The following ATP8A1 variants were observed in gnomAD, a reference collection of about 807,000 sequenced individuals.
ATP8A1 encodes phospholipid-transporting ATPase IA.
In ATP8A1, 90 loss-of-function variants were observed where a neutral mutation model predicts 177.7. That is an observed-to-expected ratio of 0.51 (90% CI 0.43 to 0.60). ATP8A1 has a LOEUF of 0.60. Ranked by LOEUF, ATP8A1 falls within the 20% of genes least tolerant of loss-of-function variation. ATP8A1 has a pLI of 0.00. For synonymous variants in ATP8A1, 493 were observed against 485.9 expected (o/e 1.01, Z -0.19); for missense variants, 1,072 against 1,392.8 (o/e 0.77, Z 3.67).
chr4:42,485,398 T>A, intron 25 of ATP8A1, 98 bp downstream of exon 25: 1 of 1,179,142 alleles, frequency 8.5e-7, no homozygotes, highest in Non-Finnish European at 1.2e-6. Context: ...GTAACCTAAC[T>A]TTTGTAAACT....
Position 42,624,631 on chromosome 4 carries a change from T to C in ATP8A1, c.268A>G (p.Ile90Val), listed in dbSNP as rs1392030825. ...FFLFIALLQQ[I>V]PDVSPTGRYT... is the part of the protein sequence containing the mutation. ...CGACCTGTTGGTGACACATCAGGTA[T>C]TTGCTGTTTGGAAAAAAAAAAAAAA... The change falls in exon 4 of 37, where the codon ATA (isoleucine) becomes GTA (valine). Residue 90 changes from isoleucine to valine, a missense_variant. Ile to Val is a conservative substitution (Grantham distance 29). Around this residue, in one of 5 missense-constraint regions of ATP8A1, gnomAD observed 344 missense variants for 393.5 expected, o/e 0.87. Transcript: ENST00000381668. 1 of 1,349,666 alleles carries C rather than the reference T, an allele frequency of 7.4e-7. No individual in the cohort carries two copies. The highest frequency in any genetic ancestry group is 2.7e-5 in the East Asian group (1 of 37,506). The allele number at this position is 1,349,666 out of a possible 1,614,324, so 83.6% of individuals were successfully genotyped here.
intron 29 of ATP8A1, among the ~76,000 whole-genome samples, chr4:42,452,722 C>T (rs373058200): frequency 2.0e-5 from 3 of 152,136 alleles, no homozygotes; most frequent in East Asian, 3.8e-4. Flanking sequence ...AGAGAGCAAG[C>T]GTCACTGGTA....
At chr4:42,628,351 G>C (rs1738338567) in intron 1 of ATP8A1, among the ~76,000 whole-genome samples, 1 of 152,206 alleles carries the variant, frequency 6.6e-6, no homozygotes, top group Non-Finnish European at 1.5e-5. Context: ...GGACTGGGGT[G>C]TGAGAAACGG....
intron 5 of ATP8A1, among the ~76,000 whole-genome samples, chr4:42,603,438 C>T (rs923763167): frequency 2.0e-5 from 3 of 152,048 alleles, no homozygotes; most frequent in African/African-American, 7.3e-5. Flanking sequence ...TGTTACTTCA[C>T]TTATTAGTTT....
chr4:42,476,296 C>T (rs145687306), intron 25 of ATP8A1, among the ~76,000 whole-genome samples: 130 of 152,248 alleles, frequency 8.5e-4, no homozygotes, highest in African/African-American at 2.9e-3. Context: ...AAAAGACCTA[C>T]ATGAAAAAAC....
At chr4:42,647,143 T>C (rs1045564947) in intron 1 of ATP8A1, among the ~76,000 whole-genome samples, 1 of 152,188 alleles carries the variant, frequency 6.6e-6, no homozygotes, top group Non-Finnish European at 1.5e-5. Context: ...AGCACCCATA[T>C]AATGTGTGAA....
At chr4:42,560,216 A>C (rs1730673233) in intron 15 of ATP8A1, among the ~76,000 whole-genome samples, 2 of 152,222 alleles carry the variant, frequency 1.3e-5, no homozygotes, top group Non-Finnish European at 2.9e-5. Flanking sequence ...GAAAAAATAA[A>C]TGTATGAATA....
chr4:42,488,334 A>G (rs1371766341), intron 24 of ATP8A1, among the ~76,000 whole-genome samples: 2 of 152,062 alleles, frequency 1.3e-5, no homozygotes, highest in African/African-American at 4.8e-5. Context: ...GTGGCTATTA[A>G]GTAGTGACAT....
intron 33 of ATP8A1, among the ~76,000 whole-genome samples, chr4:42,428,323 TCCCACACTGAA>T (rs1447591373): frequency 1.3e-5 from 2 of 152,258 alleles, no homozygotes; most frequent in African/African-American, 4.8e-5. Flanking sequence ...ACCTCACACA[TCCCACACTGAA>T]CACACACTGT....
At chr4:42,476,919 C>T (rs1721126154) in intron 25 of ATP8A1, among the ~76,000 whole-genome samples, 1 of 152,174 alleles carries the variant, frequency 6.6e-6, no homozygotes, top group African/African-American at 2.4e-5. Context: ...CTTCAGCGTA[C>T]TACTTTTCTT....
At chr4:42,519,609 G>A (rs1271535490) in intron 22 of ATP8A1, among the ~76,000 whole-genome samples, 2 of 152,170 alleles carry the variant, frequency 1.3e-5, no homozygotes, top group South Asian at 2.1e-4. Context: ...GCTTGTGCAT[G>A]AGCATGTAAA....
At chr4:42,599,632 T>C (rs1057117556) in intron 6 of ATP8A1, among the ~76,000 whole-genome samples, 1 of 152,142 alleles carries the variant, frequency 6.6e-6, no homozygotes, top group Non-Finnish European at 1.5e-5. Context: ...CATGACAAGG[T>C]AGAATCAAGG....
chr4:42,481,159 T>C (rs569142029), intron 25 of ATP8A1, among the ~76,000 whole-genome samples: 2 of 152,244 alleles, frequency 1.3e-5, no homozygotes, highest in African/African-American at 4.8e-5. Flanking sequence ...TTAAAAGAGG[T>C]AGAACAGATG....
rs146631905 is a variant in ATP8A1 at position 42,432,746 on chromosome 4, C to T, written c.3124-9041G>A. ...CCCACTGAATCCTTCAGTAGCTGCA[C>T]ATCTTGGGTAGTCTGGCTCAACACT... On this transcript the variant is annotated intron_variant, in intron 33 of 36. Coordinates refer to ENST00000381668, the MANE Select transcript of ATP8A1 (RefSeq NM_006095.2). 4.9e-3 allele frequency among the ~76,000 whole-genome samples: 739 copies of T among 152,288 alleles called. 2 individuals are homozygous for T. The highest frequency in any genetic ancestry group is 7.6e-3 in the Non-Finnish European group (515 of 68,036).
At chr4:42,607,327 TAAAAA>T (rs376805804) in intron 5 of ATP8A1, among the ~76,000 whole-genome samples, 4 of 151,808 alleles carry the variant, frequency 2.6e-5, no homozygotes, top group Non-Finnish European at 5.9e-5. Context: ...GCTCACAACA[TAAAAA>T]AAAGTTTCCA....
intron 6 of ATP8A1, among the ~76,000 whole-genome samples, chr4:42,595,773 T>C (rs1329555363): frequency 5.9e-5 from 9 of 152,238 alleles, no homozygotes; most frequent in Non-Finnish European, 1.0e-4. Context: ...AATCACGTCC[T>C]CTACACTATC....
At chr4:42,442,509 A>G (rs1261664358) in intron 33 of ATP8A1, among the ~76,000 whole-genome samples, 1 of 152,192 alleles carries the variant, frequency 6.6e-6, no homozygotes, top group African/African-American at 2.4e-5. Context: ...TTTTCACAAT[A>G]TATGTTTCAA....
intron 30 of ATP8A1, among the ~76,000 whole-genome samples, chr4:42,447,337 C>T (rs1560334141): frequency 1.3e-5 from 2 of 152,158 alleles, no homozygotes; most frequent in South Asian, 4.2e-4. Flanking sequence ...TGTGCGCCCC[C>T]ATGCCCAGCT....
intron 5 of ATP8A1, among the ~76,000 whole-genome samples, chr4:42,612,968 C>T (rs745775482): frequency 6.6e-6 from 1 of 152,226 alleles, no homozygotes; most frequent in East Asian, 1.9e-4. Context: ...TTGACAAACA[C>T]TGACAAAATG....
Sources: allele counts gnomAD v4.1 joint callset (sites outside exome capture counted in the v4.1 genomes callset), GRCh38; gene constraint gnomAD v4.1.1; regional missense constraint gnomAD v4.1.1; transcripts MANE v1.5; gene names NCBI Gene and HGNC (gene_info 2026-07-23, HGNC 2026-07-21).